Variants in EVI5 observed in about 807,000 individuals in gnomAD.
EVI5 encodes the protein ecotropic viral integration site 5.
Under a neutral mutation model 112.0 loss-of-function variants are expected in EVI5, and 73 were observed. The observed-to-expected ratio is 0.65, with a 90% CI of 0.54 to 0.79. The LOEUF (loss-of-function observed/expected upper bound fraction) is 0.79, where lower values mean the gene tolerates loss of function less well. Ranked by LOEUF, EVI5 falls within the 30% of genes least tolerant of loss-of-function variation. The pLI is 0.00. For missense variants in EVI5, 900 were observed against 968.8 expected (o/e 0.93, Z 0.94); for synonymous variants, 305 against 319.9 (o/e 0.95, Z 0.50).
chr1:92,760,853 G>A (rs1293153145), intron 1 of EVI5, among the ~76,000 whole-genome samples: 4 of 151,782 alleles, frequency 2.6e-5, no homozygotes, highest in East Asian at 1.9e-4. Context: ...TCAGGAGATC[G>A]AGACCATCCT....
At chr1:92,735,636 TGTC>T (rs1241707633) in intron 2 of EVI5, among the ~76,000 whole-genome samples, 2 of 30,290 alleles carry the variant, frequency 6.6e-5, no homozygotes, top group Non-Finnish European at 1.3e-4. Flanking sequence ...ATATGATATA[TGTC>T]ATATATATAT....
intron 19 of EVI5, among the ~76,000 whole-genome samples, chr1:92,561,964 A>G (rs1668703092): frequency 6.6e-6 from 1 of 152,148 alleles, no homozygotes; most frequent in African/African-American, 2.4e-5. Context: ...GTCAAAGCAT[A>G]TGACAGGGAA....
intron 18 of EVI5, among the ~76,000 whole-genome samples, chr1:92,568,282 G>A (rs535968734): frequency 3.3e-5 from 5 of 151,314 alleles, no homozygotes; most frequent in African/African-American, 4.9e-5. Context: ...AGGGTAAGGC[G>A]GGCGGATTGC....
At chr1:92,755,578 A>C (rs753230014) in intron 1 of EVI5, among the ~76,000 whole-genome samples, 3 of 152,180 alleles carry the variant, frequency 2.0e-5, no homozygotes, top group South Asian at 4.1e-4. Context: ...CTGACTCAGA[A>C]ATCTGTCCCA....
intron 9 of EVI5, among the ~76,000 whole-genome samples, chr1:92,680,628 A>G (rs995740397): frequency 2.6e-5 from 4 of 152,350 alleles, no homozygotes; most frequent in African/African-American, 9.6e-5. Flanking sequence ...GCCACAAATT[A>G]CTTATTACAA....
chr1:92,657,823 C>T (rs1301313930), intron 13 of EVI5, among the ~76,000 whole-genome samples: 1 of 152,190 alleles, frequency 6.6e-6, no homozygotes, highest in East Asian at 1.9e-4. Flanking sequence ...AAGGCTTTTA[C>T]TCATTGAGGA....
chr1:92,753,133 CAAA>C (rs5776155), intron 1 of EVI5, among the ~76,000 whole-genome samples: 2 of 140,276 alleles, frequency 1.4e-5, no homozygotes, highest in African/African-American at 2.8e-5. Context: ...AAGAGTCAGG[CAAA>C]AAAAAAAAAA....
chr1:92,658,216 T>C (rs545495494), intron 13 of EVI5, among the ~76,000 whole-genome samples: 4 of 152,192 alleles, frequency 2.6e-5, no homozygotes, highest in East Asian at 1.9e-4. Context: ...TTATTCAACA[T>C]AGTACTAACA....
chr1:92,727,918 T>G (rs940361511), intron 2 of EVI5, among the ~76,000 whole-genome samples: 1 of 151,570 alleles, frequency 6.6e-6, no homozygotes, highest in Non-Finnish European at 1.5e-5. Flanking sequence ...TGCTTGAGTC[T>G]GGGAGATGAA....
intron 19 of EVI5, among the ~76,000 whole-genome samples, chr1:92,524,971 G>A (rs554091935): frequency 1.3e-5 from 2 of 151,634 alleles, no homozygotes; most frequent in African/African-American, 2.4e-5. Flanking sequence ...GGGATTATAG[G>A]TGCCCACCAC....
chr1:92,744,414 T>TTGTCACCAATAGACA (rs1326274296), intron 1 of EVI5, among the ~76,000 whole-genome samples: 6 of 152,206 alleles, frequency 3.9e-5, no homozygotes, highest in African/African-American at 1.4e-4. Context: ...CATCCAACTA[T>TTGTCACCAATAGACA]AATAGTGAAT....
chr1:92,733,329 T>C (rs1676796501), intron 2 of EVI5: 1 of 153,880 alleles, frequency 6.5e-6, no homozygotes, highest in Non-Finnish European at 1.5e-5. Context: ...CAATTTCTTT[T>C]ACTACAATTT....
At chr1:92,707,272 A>G (rs1672169990) in intron 2 of EVI5, among the ~76,000 whole-genome samples, 1 of 151,900 alleles carries the variant, frequency 6.6e-6, no homozygotes. Flanking sequence ...AACAGTAACT[A>G]CAAAAGAAAA....
At chr1:92,722,986 C>A (rs978042996) in intron 2 of EVI5, among the ~76,000 whole-genome samples, 5 of 152,124 alleles carry the variant, frequency 3.3e-5, no homozygotes, top group African/African-American at 1.2e-4. Flanking sequence ...TTTTCTATCA[C>A]CAGGTTTGCA....
chr1:92,682,288 G>A (rs1023180777), intron 9 of EVI5, among the ~76,000 whole-genome samples: 4 of 152,066 alleles, frequency 2.6e-5, no homozygotes, highest in East Asian at 3.8e-4. Flanking sequence ...CTATCTCTGC[G>A]TGCCCTGTCT....
intron 1 of EVI5, among the ~76,000 whole-genome samples, chr1:92,778,781 A>G (rs780514705): frequency 1.3e-5 from 2 of 152,164 alleles, no homozygotes; most frequent in Non-Finnish European, 2.9e-5. Flanking sequence ...GGAGTGAGAC[A>G]ACAGAAGAAA....
intron 10 of EVI5, among the ~76,000 whole-genome samples, chr1:92,671,920 C>G (rs746264007): frequency 5.3e-5 from 8 of 151,568 alleles, no homozygotes; most frequent in African/African-American, 1.7e-4. Flanking sequence ...CTCCTTCCTC[C>G]GCCTCCTGAG....
At chr1:92,721,617 G>T (rs531489325) in intron 2 of EVI5, among the ~76,000 whole-genome samples, 1 of 152,258 alleles carries the variant, frequency 6.6e-6, no homozygotes, top group African/African-American at 2.4e-5. Flanking sequence ...CATGGCACAT[G>T]TATACCTATA....
chr1:92,531,280 G>C (rs1027912973), intron 19 of EVI5, among the ~76,000 whole-genome samples: 5 of 151,880 alleles, frequency 3.3e-5, no homozygotes, highest in Non-Finnish European at 5.9e-5. Context: ...AAGAAATATG[G>C]GACTATGTAA....
Sources: gnomAD v4.1 joint callset for allele counts (sites outside exome capture counted in the v4.1 genomes callset) on GRCh38, gnomAD v4.1.1 for gene constraint, MANE v1.5 for transcripts, NCBI Gene and HGNC (gene_info 2026-07-23, HGNC 2026-07-21) for gene names.